The following SBNO1 variants were observed in gnomAD, a reference collection of about 807,000 sequenced individuals.
SBNO1 encodes the protein strawberry notch homolog 1.
In SBNO1, 23 loss-of-function variants were observed where a neutral mutation model predicts 173.6. The observed-to-expected ratio is 0.13, with a 90% CI of 0.10 to 0.19. SBNO1 has a LOEUF of 0.19. Among genes scored for constraint, SBNO1 ranks in the 10% least tolerant of loss-of-function variants. The pLI is 1.00. For synonymous variants in SBNO1, 632 were observed against 571.5 expected (o/e 1.11, Z -1.51); for missense variants, 1,238 against 1,671.2 (o/e 0.74, Z 4.52).
At chr12:123,320,191 T>C (rs897688045) in intron 19 of SBNO1, among the ~76,000 whole-genome samples, 160 bp from the exon 20 acceptor site, 1 of 152,148 alleles carries the variant, frequency 6.6e-6, no homozygotes, top group African/African-American at 2.4e-5. Context: ...TGGAAAAACC[T>C]TGACACATGG....
chr12:123,332,331 G>A lies in SBNO1; in HGVS notation c.910-956C>T, dbSNP rs536970780. Among the ~76,000 whole-genome samples the A allele has an allele frequency of 2.0e-5, 3 of 151,194 alleles. No individual in the cohort carries two copies. The East Asian group carries it at 6.1e-4, about 31-fold the overall frequency. On this transcript the variant is annotated intron_variant, in intron 7 of 31. Transcript: ENST00000602398. ...TTTTTGAGACAGTTTTGCTCTTGTTGCCCAGGCTAGAGTGCAATGGCACAA... is the reference window on the plus strand; with the variant it reads ...TTTTTGAGACAGTTTTGCTCTTGTTACCCAGGCTAGAGTGCAATGGCACAA...
chr12:123,354,097 T>C (rs953750493), intron 1 of SBNO1, among the ~76,000 whole-genome samples: 4 of 152,164 alleles, frequency 2.6e-5, no homozygotes, highest in South Asian at 4.1e-4. Context: ...AGCATTTAAG[T>C]ACAAAAAAAT....
Position 123,328,039 on chromosome 12 carries a change from G to GATCACATT in SBNO1, c.1297-13_1297-12insAATGTGAT. 6.3e-7 allele frequency: 1 copy of GATCACATT among 1,595,344 alleles called. No homozygotes were observed. The highest frequency in any genetic ancestry group is 8.6e-7 in the Non-Finnish European group (1 of 1,167,560). The stretch of plus-strand genomic sequence containing the variant: ...TCATCAAACACTATCTAAATGGAAT[G>GATCACATT]AGTTAAGGAATGTATCACATTAGTA... On this transcript the variant is annotated splice_polypyrimidine_tract_variant and intron_variant, in intron 10 of 31. Coordinates refer to ENST00000602398, the MANE Select transcript of SBNO1 (RefSeq NM_001167856.3).
rs1322297452 is a variant in SBNO1, at chr12:123,295,927, G to A, written c.4163C>T (p.Thr1388Ile). Residue 1388 changes from threonine to isoleucine, a missense_variant, in exon 32 of 32, where the codon ACC becomes ATC. By Grantham distance (89) the Thr-to-Ile change is moderately conservative. Coordinates refer to ENST00000602398, the MANE Select transcript of SBNO1 (RefSeq NM_001167856.3). ...LWQQHHPQSITNLSNA is the reference protein window; with the variant it reads ...LWQQHHPQSIINLSNA The stretch of plus-strand genomic sequence containing the variant: ...TGTTCTTCATGCGTTGCTCAAGTTG[G>A]TGATGCTCTGAGGGTGATGCTGTTG... 2 of 1,612,998 alleles carry A rather than the reference G, an allele frequency of 1.2e-6. No individual in the cohort carries two copies. Among genetic ancestry groups the A allele is most frequent in the Non-Finnish European group, 1.7e-6 (2 of 1,179,080 alleles).
In SBNO1 at chr12:123,291,808, T is replaced by TA. The variant is rs2048517060; in HGVS notation, c.*4099dup. On this transcript the variant is annotated 3_prime_UTR_variant, in exon 32 of 32. Transcript: ENST00000602398. ...AGAGTCCCAATTTACAAGAATTATT[T>TA]ACATTCAGAATCCAGAAGAACTCAA... is the stretch of plus-strand genomic sequence containing the variant. 6.6e-6 allele frequency: 1 copy of TA among 152,042 alleles called. No individual in the cohort carries two copies. The allele number at this position is 152,042 out of a possible 1,614,324, so 9.4% of individuals were successfully genotyped here. A position where few individuals can be genotyped will look rare whatever the true frequency, so the allele number is the denominator to read the frequency against.
Position 123,323,661 on chromosome 12 carries a change from T to C in SBNO1, c.2125+19A>G. 1 of 1,576,368 alleles carries C rather than the reference T, an allele frequency of 6.3e-7. No individual in the cohort carries two copies. The highest frequency in any genetic ancestry group is 8.6e-7 in the Non-Finnish European group (1 of 1,165,804). ...GAGCCACCGCACCTGGCCTATTTTT[T>C]CTTTTTTAAAGTGCTCACCTTTCCG... is the stretch of plus-strand genomic sequence containing the variant. On this transcript the variant is annotated intron_variant, in intron 16 of 31. Coordinates refer to ENST00000602398, the MANE Select transcript of SBNO1 (RefSeq NM_001167856.3).
At chr12:123,364,528 G>A (rs1222016493) in intron 1 of SBNO1, 173 bp downstream of exon 1, 4 of 983,694 alleles carry the variant, frequency 4.1e-6, no homozygotes, top group Middle Eastern at 1.0e-3. Flanking sequence ...ACATGCCCCC[G>A]AGGGCCCCGG....
chr12:123,311,711 T>C (rs1259117646), intron 24 of SBNO1, among the ~76,000 whole-genome samples: 6 of 62,864 alleles, frequency 9.5e-5, no homozygotes, highest in Non-Finnish European at 2.2e-4. Flanking sequence ...TATCTATCTA[T>C]CTATCTATCT....
At chr12:123,357,558 T>C (rs1874605526) in intron 1 of SBNO1, among the ~76,000 whole-genome samples, 1 of 150,532 alleles carries the variant, frequency 6.6e-6, no homozygotes, top group African/African-American at 2.5e-5. Context: ...CTGGCCAACA[T>C]GATGAAACCC....
At chr12:123,300,732 TG>T (rs1489020904) in intron 30 of SBNO1, among the ~76,000 whole-genome samples, 4 of 151,790 alleles carry the variant, frequency 2.6e-5, no homozygotes, top group Non-Finnish European at 5.9e-5. Context: ...GAGGCCGTGG[TG>T]GGCAGATCAC....
intron 31 of SBNO1, 50 bp from the exon 32 acceptor site, chr12:123,296,100 C>G (rs763276348): frequency 1.6e-6 from 2 of 1,222,920 alleles, no homozygotes; most frequent in South Asian, 2.5e-5. Flanking sequence ...AGAAACCACA[C>G]TGTACAGCTT....
chr12:123,325,618 A>G lies in SBNO1; in HGVS notation c.1876-19T>C. The G allele has an allele frequency of 7.0e-7, 1 of 1,428,084 alleles. No individual in the cohort carries two copies. The highest frequency in any genetic ancestry group is 1.8e-4 in the Middle Eastern group (1 of 5,658). 88.5% of individuals were successfully genotyped at this position (1,428,084 alleles called of 1,614,324 possible). On this transcript the variant is annotated intron_variant, in intron 14 of 31. Transcript: ENST00000602398. ...CAACACACTGGAGAAAAAAGAAAAC[A>G]TGTTAATTATGAATAATAATGTTTG... is the stretch of plus-strand genomic sequence containing the variant.
intron 23 of SBNO1, among the ~76,000 whole-genome samples, chr12:123,314,480 C>T (rs761146731): frequency 6.6e-6 from 1 of 152,020 alleles, no homozygotes; most frequent in Non-Finnish European, 1.5e-5. Context: ...CAGGCGCACA[C>T]CACCACGCCC....
At chr12:123,351,321 T>G (rs1278832457) in intron 1 of SBNO1, among the ~76,000 whole-genome samples, 1 of 152,086 alleles carries the variant, frequency 6.6e-6, no homozygotes, top group Admixed American at 6.6e-5. Context: ...GAGGACTACC[T>G]GACACGGCAG....
rs891652541 is a variant in SBNO1 at position 123,290,446 on chromosome 12, A to C, written c.*5462T>G. The C allele has an allele frequency of 6.6e-6, 1 of 152,180 alleles. No individual in the cohort carries two copies. Among genetic ancestry groups the C allele is most frequent in the African/African-American group, 2.4e-5 (1 of 41,442 alleles). 9.4% of individuals were successfully genotyped at this position (152,180 alleles called of 1,614,324 possible). ...GGTGCAAAATTGTGAACAAATACCC[A>C]ATGTCTGCCTCCCGGGTGCTCAACA... On this transcript the variant is annotated 3_prime_UTR_variant, in exon 32 of 32. Coordinates refer to ENST00000602398, the MANE Select transcript of SBNO1 (RefSeq NM_001167856.3).
intron 13 of SBNO1, 119 bp downstream of exon 13, chr12:123,327,297 CCTGGCTTCAT>C: frequency 1.3e-6 from 1 of 778,436 alleles, no homozygotes. Context: ...AGACACCGTG[CCTGGCTTCAT>C]CTGTTGTTTT....
rs1165009668 is a variant in SBNO1 at position 123,345,376 on chromosome 12, G to T, written c.432C>A (p.Thr144=). ...GAACTTGGTCTTTTGAAGGTGCAGAGGTCATGGCATTTCGTACTGTTGGTG... is the reference window on the plus strand; with the variant it reads ...GAACTTGGTCTTTTGAAGGTGCAGATGTCATGGCATTTCGTACTGTTGGTG... ...VSAPTVRNAM[T]SAPSKDQVQL... is the part of the protein sequence containing the mutation. Residue 144 remains threonine (T), a synonymous_variant, in exon 4 of 32, where the codon ACC becomes ACA. Coordinates refer to ENST00000602398, the MANE Select transcript of SBNO1 (RefSeq NM_001167856.3). The T allele has an allele frequency of 8.1e-6, 13 of 1,614,148 alleles. No individual in the cohort carries two copies. Among genetic ancestry groups the T allele is most frequent in the Non-Finnish European group, 1.1e-5 (13 of 1,180,012 alleles).
In SBNO1 at chr12:123,320,799, T is replaced by C. The variant is rs185717954; in HGVS notation, c.2391A>G (p.Pro797=). 36 of 1,605,090 alleles carry C rather than the reference T, an allele frequency of 2.2e-5. No homozygotes were observed. In the East Asian group the frequency reaches 2.5e-4, roughly 11 times the overall value. Residue 797 remains proline (P), a synonymous_variant, in exon 18 of 32, where the codon CCA becomes CCG. Transcript: ENST00000602398. ...KEKKKKKSID[P]DSIQSALLAS... is the part of the protein sequence containing the mutation. ...CTAATAAGGCACTTTGAATAGAATC[T>C]GGATCTATACTTTTCTTCTTTTTTT...
Position 123,320,671 on chromosome 12 carries a change from T to C in SBNO1, c.2491+28A>G, listed in dbSNP as rs374542367. On this transcript the variant is annotated intron_variant, in intron 18 of 31. Coordinates refer to ENST00000602398, the MANE Select transcript of SBNO1 (RefSeq NM_001167856.3). Reference sequence around the variant, plus strand: ...TAAATATTTTTGTTTAAAACAGTATTTCAAAAAGGAAGTTTCTGTATGGAT... The same window carrying C: ...TAAATATTTTTGTTTAAAACAGTATCTCAAAAAGGAAGTTTCTGTATGGAT... The C allele has an allele frequency of 1.6e-4, 256 of 1,594,298 alleles. 1 individual carries two copies. Among genetic ancestry groups the C allele is most frequent in the Middle Eastern group, 3.4e-4 (2 of 5,968 alleles).
Sources: gnomAD v4.1 joint callset for allele counts (sites outside exome capture counted in the v4.1 genomes callset) on GRCh38, gnomAD v4.1.1 for gene constraint, MANE v1.5 for transcripts, NCBI Gene and HGNC (gene_info 2026-07-23, HGNC 2026-07-21) for gene names.